The following LRRC49 variants were observed in gnomAD, a reference collection of about 807,000 sequenced individuals.
LRRC49 encodes leucine-rich repeat-containing protein 49.
In LRRC49, 50 loss-of-function variants were observed where a neutral mutation model predicts 83.3. The ratio of observed to expected loss-of-function variants is 0.60; its 90% confidence interval spans 0.48 to 0.76. The LOEUF (loss-of-function observed/expected upper bound fraction) is 0.76, where lower values mean the gene tolerates loss of function less well. Ranked by LOEUF, LRRC49 falls within the 30% of genes least tolerant of loss-of-function variation. LRRC49 has a pLI of 0.00. For synonymous variants in LRRC49, 286 were observed against 283.3 expected (o/e 1.01, Z -0.10); for missense variants, 704 against 809.1 (o/e 0.87, Z 1.58).
chr15:70,968,209 C>T (rs1299607760), intron 9 of LRRC49, among the ~76,000 whole-genome samples: 8 of 152,070 alleles, frequency 5.3e-5, no homozygotes, highest in African/African-American at 1.9e-4. Flanking sequence ...CATTGTTAAA[C>T]TCCCATTATG....
intron 4 of LRRC49, among the ~76,000 whole-genome samples, chr15:70,901,851 G>T (rs569393870): frequency 2.0e-5 from 3 of 151,946 alleles, no homozygotes; most frequent in African/African-American, 7.3e-5. Context: ...TTTAGAACTC[G>T]ATCCCCATCT....
intron 7 of LRRC49, among the ~76,000 whole-genome samples, chr15:70,922,365 A>T (rs2035039017): frequency 6.6e-6 from 1 of 152,190 alleles, no homozygotes; most frequent in Non-Finnish European, 1.5e-5. Context: ...GATGAGATCC[A>T]GTCATTTGCA....
chr15:71,033,956 C>T (rs1398858735), intron 14 of LRRC49, among the ~76,000 whole-genome samples: 1 of 152,068 alleles, frequency 6.6e-6, no homozygotes, highest in African/African-American at 2.4e-5. Flanking sequence ...TAGGCAATAC[C>T]ATTCAGGCAT....
chr15:70,986,899 G>A (rs2037643196), intron 11 of LRRC49, among the ~76,000 whole-genome samples: 1 of 152,110 alleles, frequency 6.6e-6, no homozygotes. Context: ...TAATCATGTG[G>A]TTTTTGTCTT....
chr15:70,859,431 C>A (rs963469508), intron 1 of LRRC49: 3 of 736,346 alleles, frequency 4.1e-6, no homozygotes, highest in South Asian at 1.4e-5. Flanking sequence ...TCCCACATCT[C>A]GGACATATCT....
At chr15:70,913,568 G>A (rs2034637656) in intron 6 of LRRC49, among the ~76,000 whole-genome samples, 1 of 152,180 alleles carries the variant, frequency 6.6e-6, no homozygotes, top group Non-Finnish European at 1.5e-5. Flanking sequence ...AAACAACACA[G>A]TAAGTATTTA....
At chr15:70,946,847 C>A (rs1483243369) in intron 8 of LRRC49, among the ~76,000 whole-genome samples, 4 of 151,956 alleles carry the variant, frequency 2.6e-5, no homozygotes, top group Admixed American at 6.6e-5. Context: ...TGATTTTTTT[C>A]ATCTACATTT....
At chr15:71,010,736 T>G (rs2038624631) in intron 13 of LRRC49, among the ~76,000 whole-genome samples, 1 of 151,984 alleles carries the variant, frequency 6.6e-6, no homozygotes, top group African/African-American at 2.4e-5. Context: ...CCATGTTCTT[T>G]TAAAATATTA....
intron 8 of LRRC49, among the ~76,000 whole-genome samples, chr15:70,958,259 A>G (rs531066810): frequency 6.6e-6 from 1 of 152,140 alleles, no homozygotes; most frequent in African/African-American, 2.4e-5. Flanking sequence ...TCTTTTTCGT[A>G]TACCCTTCAT....
chr15:71,026,877 TC>T (rs1370297496), intron 14 of LRRC49, among the ~76,000 whole-genome samples: 8 of 152,196 alleles, frequency 5.3e-5, no homozygotes, highest in Non-Finnish European at 1.0e-4. Flanking sequence ...AAAAATTTTC[TC>T]CCATTCTGTA....
At chr15:70,871,563 G>A (rs1291968024) in intron 1 of LRRC49, among the ~76,000 whole-genome samples, 2 of 151,500 alleles carry the variant, frequency 1.3e-5, no homozygotes, top group African/African-American at 4.9e-5. Context: ...CGAACGGCGC[G>A]GCTGGCCGGG....
At chr15:70,954,770 T>A (rs1448194070) in intron 8 of LRRC49, among the ~76,000 whole-genome samples, 1 of 152,192 alleles carries the variant, frequency 6.6e-6, no homozygotes. Context: ...AGCTTTGTCC[T>A]CTGGTCTCTC....
intron 6 of LRRC49, among the ~76,000 whole-genome samples, chr15:70,915,730 GT>G (rs1360506885): frequency 7.9e-5 from 12 of 151,982 alleles, no homozygotes; most frequent in African/African-American, 2.9e-4. Flanking sequence ...TTATTACACA[GT>G]TTTATCATCT....
intron 2 of LRRC49, among the ~76,000 whole-genome samples, chr15:70,887,359 A>G (rs1309721986): frequency 6.6e-6 from 1 of 152,156 alleles, no homozygotes; most frequent in Middle Eastern, 3.2e-3. Flanking sequence ...CAGATACAAA[A>G]ATCCTAAATA....
intron 11 of LRRC49, among the ~76,000 whole-genome samples, chr15:70,993,192 T>C (rs544576224): frequency 1.1e-4 from 16 of 152,304 alleles, no homozygotes; most frequent in Admixed American, 3.3e-4. Context: ...ATGTGCGGGA[T>C]ATAATCTCCT....
chr15:70,902,078 A>G (rs1016278806), intron 4 of LRRC49, among the ~76,000 whole-genome samples: 15 of 152,218 alleles, frequency 9.9e-5, no homozygotes, highest in African/African-American at 3.4e-4. Flanking sequence ...AGTAACACTG[A>G]AGGGCAGTAT....
intron 9 of LRRC49, among the ~76,000 whole-genome samples, chr15:70,973,442 C>A (rs1047103610): frequency 2.0e-5 from 3 of 152,184 alleles, no homozygotes; most frequent in Admixed American, 6.5e-5. Flanking sequence ...GGTATCTCCC[C>A]ATCAGAAGGC....
chr15:70,969,197 A>G (rs1242975809), intron 9 of LRRC49, among the ~76,000 whole-genome samples: 1 of 152,194 alleles, frequency 6.6e-6, no homozygotes, highest in East Asian at 1.9e-4. Flanking sequence ...AGCTTTCTGC[A>G]TATGGCTAGC....
At chr15:70,971,797 C>CTTTTTTTTTTTTTT (rs56230666) in intron 9 of LRRC49, among the ~76,000 whole-genome samples, 1 of 82,266 alleles carries the variant, frequency 1.2e-5, no homozygotes, top group Non-Finnish European at 2.2e-5. Flanking sequence ...GTAACCACTC[C>CTTTTTTTTTTTTTT]TTTTTTTTTT....
Sources: gnomAD v4.1 joint callset for allele counts (sites outside exome capture counted in the v4.1 genomes callset) on GRCh38, gnomAD v4.1.1 for gene constraint, MANE v1.5 for transcripts, NCBI Gene and HGNC (gene_info 2026-07-23, HGNC 2026-07-21) for gene names.